The following CPHXL2 variants were observed in gnomAD, a reference collection of about 807,000 sequenced individuals.
CPHXL2 encodes the protein cytoplasmic polyadenylated homeobox like 2.
chr16:75,669,462 C>A, the CPHXL2 span: 3 of 400,724 alleles, frequency 7.5e-6, no homozygotes, highest in East Asian at 1.1e-4. Flanking sequence ...TAAGTTCCTG[C>A]AATAATTCTT....
chr16:75,662,236 T>C, the CPHXL2 span, among the ~76,000 whole-genome samples: 1 of 151,836 alleles, frequency 6.6e-6, no homozygotes, highest in Non-Finnish European at 1.5e-5. Context: ...AGAGCTTTCA[T>C]GCCCTGCCTG....
chr16:75,660,934 G>A, the CPHXL2 span: 1 of 398,676 alleles, frequency 2.5e-6, no homozygotes, highest in Non-Finnish European at 4.4e-6. Context: ...GGAATCCCTT[G>A]TTTCTCCAGA....
the CPHXL2 span, among the ~76,000 whole-genome samples, chr16:75,661,451 A>G: frequency 1.3e-5 from 2 of 152,088 alleles, no homozygotes; most frequent in Non-Finnish European, 2.9e-5. Flanking sequence ...TGCATCATGC[A>G]TTTCTAGAAC....
chr16:75,661,239 T>TGGGAACAATAGAGTTCTAAAG, the CPHXL2 span: 4 of 400,850 alleles, frequency 1.0e-5, no homozygotes, highest in Non-Finnish European at 1.8e-5. Flanking sequence ...TCTATTGTTC[T>TGGGAACAATAGAGTTCTAAAG]GGAACCAGTT....
At chr16:75,671,491 A>G in the CPHXL2 span, among the ~76,000 whole-genome samples, 2 of 152,110 alleles carry the variant, frequency 1.3e-5, no homozygotes, top group South Asian at 2.1e-4. Context: ...TCACGTGTTG[A>G]TGACACCATC....
chr16:75,661,440 A>T, the CPHXL2 span, among the ~76,000 whole-genome samples: 17 of 152,272 alleles, frequency 1.1e-4, no homozygotes, highest in South Asian at 3.1e-3. Context: ...ACCGGAGGTC[A>T]TGCATCATGC....
the CPHXL2 span, among the ~76,000 whole-genome samples, chr16:75,670,907 T>C: frequency 6.6e-6 from 1 of 152,106 alleles, no homozygotes; most frequent in Non-Finnish European, 1.5e-5. Flanking sequence ...CCCGCAGCTA[T>C]GTCAGTCTCT....
At chr16:75,670,440 C>T in the CPHXL2 span, among the ~76,000 whole-genome samples, 1 of 152,148 alleles carries the variant, frequency 6.6e-6, no homozygotes, top group Non-Finnish European at 1.5e-5. Context: ...GGTTTGTGAA[C>T]ATTTGTTAAA....
the CPHXL2 span, among the ~76,000 whole-genome samples, chr16:75,666,582 T>C: frequency 3.2e-5 from 4 of 125,128 alleles, no homozygotes; most frequent in Admixed American, 1.0e-4. Context: ...CACTCCAGCC[T>C]GGGCAACAAG....
the CPHXL2 span, among the ~76,000 whole-genome samples, chr16:75,665,958 C>A: frequency 0.11 from 16,586 of 152,128 alleles, 1,798 homozygotes; most frequent in African/African-American, 0.29. Flanking sequence ...TGTAAATGGC[C>A]TAAGTGCTCC....
At chr16:75,668,541 T>A in the CPHXL2 span, among the ~76,000 whole-genome samples, 2 of 150,372 alleles carry the variant, frequency 1.3e-5, no homozygotes, top group Admixed American at 1.3e-4. Context: ...TTTTTCATAT[T>A]GTGTGTGTGT....
chr16:75,671,855 C>T, the CPHXL2 span, among the ~76,000 whole-genome samples: 7 of 152,156 alleles, frequency 4.6e-5, no homozygotes. Context: ...CAAGGTGAGA[C>T]AGTAAATGGA....
the CPHXL2 span, among the ~76,000 whole-genome samples, chr16:75,661,872 A>G: frequency 6.6e-6 from 1 of 152,180 alleles, no homozygotes; most frequent in African/African-American, 2.4e-5. Context: ...CAGTCACAGA[A>G]AGACTACTGT....
chr16:75,662,461 G>T, the CPHXL2 span, among the ~76,000 whole-genome samples: 14 of 151,536 alleles, frequency 9.2e-5, no homozygotes, highest in African/African-American at 2.9e-4. Flanking sequence ...GGGGCTGAAA[G>T]TCCCAACCCT....
chr16:75,676,701 C>A, the CPHXL2 span, among the ~76,000 whole-genome samples: 3 of 152,126 alleles, frequency 2.0e-5, no homozygotes, highest in East Asian at 5.8e-4. Flanking sequence ...CAAACTTCCC[C>A]CCAAGATTTT....
chr16:75,674,297 C>T, the CPHXL2 span, among the ~76,000 whole-genome samples: 81 of 139,566 alleles, frequency 5.8e-4, no homozygotes, highest in African/African-American at 1.7e-3. Flanking sequence ...GGTGTGAACC[C>T]GGGAGGCGGA....
the CPHXL2 span, chr16:75,676,982 C>G: frequency 2.5e-5 from 10 of 398,572 alleles, no homozygotes; most frequent in Admixed American, 3.5e-4. Flanking sequence ...ACCAAAGGCA[C>G]TCACCTTGGG....
the CPHXL2 span, chr16:75,676,915 C>A: frequency 7.5e-6 from 3 of 398,512 alleles, no homozygotes; most frequent in East Asian, 1.1e-4. Flanking sequence ...TGAAACCCTA[C>A]AAAACCCTCA....
At chr16:75,670,589 A>G in the CPHXL2 span, among the ~76,000 whole-genome samples, 1 of 152,064 alleles carries the variant, frequency 6.6e-6, no homozygotes, top group Non-Finnish European at 1.5e-5. Context: ...ATTTACTGCA[A>G]CGTCCACCTC....
Sources: allele counts gnomAD v4.1 joint callset (sites outside exome capture counted in the v4.1 genomes callset), GRCh38; gene constraint gnomAD v4.1.1; transcripts MANE v1.5; gene names NCBI Gene and HGNC (gene_info 2026-07-23, HGNC 2026-07-21).